Variants in TRMU observed in about 807,000 individuals in gnomAD.
TRMU encodes tRNA mitochondrial 2-thiouridylase.
Under a neutral mutation model 46.9 loss-of-function variants are expected in TRMU, and 49 were observed. The observed-to-expected ratio is 1.05, with a 90% confidence interval of 0.83 to 1.33. The LOEUF (loss-of-function observed/expected upper bound fraction) is 1.33, where lower values mean the gene tolerates loss of function less well. Ranked by LOEUF, TRMU falls within the 40% of genes most tolerant of loss-of-function variation. The probability of loss-of-function intolerance (pLI) is 0.00; values close to 1 mark genes in which losing one functional copy is unlikely to be tolerated. For missense variants in TRMU, 572 were observed against 532.4 expected, an observed-to-expected ratio of 1.07 and a Z score of -0.73; for synonymous variants, 241 against 200.9, an observed-to-expected ratio of 1.20 and a Z score of -1.69.
chr22:46,351,758 C>T lies in TRMU; in HGVS notation c.652-363C>T, dbSNP rs955801955. The stretch of plus-strand genomic sequence containing the variant: ...GAGCCCTCCCCTAAGGCCTTAGCTT[C>T]AGGCCTGGCTTTCCTGCTACCTGCC... On this transcript the variant is annotated intron_variant, in intron 5 of 10. Transcript: ENST00000645190. This position sits in a 1 kb window ranked among gnomAD's most constrained non-coding sequence, Gnocchi z 6.4. The T allele has an allele frequency of 7.7e-6, 3 of 390,344 alleles. No individual in the cohort carries two copies. The Admixed American group carries it at 1.1e-4, about 14-fold the overall frequency. 24.2% of individuals were successfully genotyped at this position (390,344 alleles called of 1,614,324 possible). A position where few individuals can be genotyped will look rare whatever the true frequency, so the allele number is the denominator to read the frequency against.
In TRMU at chr22:46,348,706, C is replaced by T. The variant is rs534888782; in HGVS notation, c.479-1585C>T. The stretch of plus-strand genomic sequence containing the variant: ...ATAGCAGTTCAGTTAGGGTCGCCAG[C>T]TTGCTTTTTTGAAAATCATAGATTT... On this transcript the variant is annotated intron_variant, in intron 4 of 10. Coordinates refer to ENST00000645190, the MANE Select transcript of TRMU (RefSeq NM_018006.5). The surrounding 1 kb of genome is among the most constrained non-coding windows in gnomAD (Gnocchi z 4.8). 5.1e-4 allele frequency among the ~76,000 whole-genome samples: 77 copies of T among 152,344 alleles called. 1 individual carries two copies. The highest frequency in any genetic ancestry group is 9.3e-4 in the Non-Finnish European group (63 of 68,032).
intron 8 of TRMU, chr22:46,354,679 T>A (rs981566370): frequency 6.6e-6 from 1 of 152,568 alleles, no homozygotes. Context: ...GAGAAAAGCC[T>A]GGCTGCGAAT....
Position 46,352,244 on chromosome 22 carries a change from A to G in TRMU, c.706-20A>G. 1 of 1,614,160 alleles carries G rather than the reference A, an allele frequency of 6.2e-7. No homozygotes were observed. Among genetic ancestry groups the G allele is most frequent in the Non-Finnish European group, 8.5e-7 (1 of 1,180,024 alleles). Reference sequence around the variant, plus strand: ...CCCTGGGCCTAGATCTCCGTCGGTAATGACATGTTTGTTTTCCAGTATCTG... The same window carrying G: ...CCCTGGGCCTAGATCTCCGTCGGTAGTGACATGTTTGTTTTCCAGTATCTG... On this transcript the variant is annotated intron_variant, in intron 6 of 10. Transcript: ENST00000645190.
rs1039622140 is a variant in TRMU, at chr22:46,348,570, C to T, written c.479-1721C>T. ...ACTGGGCTGATTTTCCCCCACACAG[C>T]GTGCTACCACCGGCCTGGCAGAGCC... On this transcript the variant is annotated intron_variant, in intron 4 of 10. Transcript: ENST00000645190. This position sits in a 1 kb window ranked among gnomAD's most constrained non-coding sequence, Gnocchi z 4.8. Among the ~76,000 whole-genome samples, 8 of 152,174 alleles carry T rather than the reference C, an allele frequency of 5.3e-5. No homozygotes were observed. The highest frequency in any genetic ancestry group is 1.9e-4 in the East Asian group (1 of 5,190).
At position 46,338,120 on chromosome 22, in the gene TRMU, G is replaced by A; in HGVS notation, c.248+176G>A. The A allele has an allele frequency of 1.3e-6, 1 of 789,974 alleles. No homozygotes were observed. The allele number at this position is 789,974 out of a possible 1,614,324, so 48.9% of individuals were successfully genotyped here. A position where few individuals can be genotyped will look rare whatever the true frequency, so the allele number is the denominator to read the frequency against. ...CCTCGGGGCTCTGTGTTAGAGGCGA[G>A]GCCTGGACCCCACAGCACACCCAGC... is the stretch of plus-strand genomic sequence containing the variant. On this transcript the variant is annotated intron_variant, in intron 2 of 10. Coordinates refer to ENST00000645190, the MANE Select transcript of TRMU (RefSeq NM_018006.5). This position sits in a 1 kb window ranked among gnomAD's most constrained non-coding sequence, Gnocchi z 4.5.
Position 46,336,225 on chromosome 22 carries a change from G to C in TRMU, c.82+379G>C, listed in dbSNP as rs766145249. The C allele has an allele frequency of 8.8e-5, 89 of 1,007,568 alleles. No homozygotes were observed. The highest frequency in any genetic ancestry group is 1.1e-4 in the Non-Finnish European group (86 of 810,424). The allele number at this position is 1,007,568 out of a possible 1,614,324, so 62.4% of individuals were successfully genotyped here. ...TGAGGGGAGCTGGGATCGCCGGGCC[G>C]GGGGCCTGACCTCTGCACACGCTGT... On this transcript the variant is annotated intron_variant, in intron 1 of 10. Transcript: ENST00000645190. The surrounding 1 kb of genome is among the most constrained non-coding windows in gnomAD (Gnocchi z 4.1).
Position 46,355,576 on chromosome 22 carries a change from C to A in TRMU, c.1006C>A (p.Gln336Lys). Residue 336 changes from glutamine to lysine, a missense_variant, in exon 9 of 11, where the codon CAG becomes AAG. Physicochemically the swap from Gln to Lys is moderately conservative, Grantham distance 53. Transcript: ENST00000645190. ...MMECHFRFRH[Q>K]MALVPCVLTL... ...GGAGTGCCACTTCCGATTCCGCCAC[C>A]AGATGGCACTAGGTGACTGACGGGA... 8 of 1,613,382 alleles carry A rather than the reference C, an allele frequency of 5.0e-6. No homozygotes were observed. The South Asian group carries it at 8.8e-5, about 18-fold the overall frequency.
rs1006752961 is a variant in TRMU at position 46,351,554 on chromosome 22, C to T, written c.652-567C>T. 1.0e-5 allele frequency: 2 copies of T among 192,868 alleles called. No individual in the cohort carries two copies. Among genetic ancestry groups the T allele is most frequent in the African/African-American group, 2.3e-5 (1 of 42,944 alleles). 11.9% of individuals were successfully genotyped at this position (192,868 alleles called of 1,614,324 possible). A position where few individuals can be genotyped will look rare whatever the true frequency, so the allele number is the denominator to read the frequency against. ...CCCGTCCTCCTCTCCTCTTGTTTTC[C>T]GTTTCCGGTGTCGCTCTGTGGTGGG... is the stretch of plus-strand genomic sequence containing the variant. On this transcript the variant is annotated intron_variant, in intron 5 of 10. Coordinates refer to ENST00000645190, the MANE Select transcript of TRMU (RefSeq NM_018006.5). This position sits in a 1 kb window ranked among gnomAD's most constrained non-coding sequence, Gnocchi z 6.4.
chr22:46,346,960 A>C (rs1031091242), intron 4 of TRMU, among the ~76,000 whole-genome samples: 2 of 152,276 alleles, frequency 1.3e-5, no homozygotes, highest in African/African-American at 4.8e-5. Context: ...TGCTGTGAGC[A>C]CAGGACCTGC....
chr22:46,356,088 G>A lies in TRMU; in HGVS notation c.1101+16G>A, dbSNP rs2078599120. 1.2e-6 allele frequency: 2 copies of A among 1,613,666 alleles called. No individual in the cohort carries two copies. The highest frequency in any genetic ancestry group is 1.1e-5 in the South Asian group (1 of 91,064). On this transcript the variant is annotated intron_variant, in intron 10 of 10. Coordinates refer to ENST00000645190, the MANE Select transcript of TRMU (RefSeq NM_018006.5). ...CACAGGACAGGTGCGTGGGGTGTGG[G>A]GGTGAGCCCGGGGAGGACTGTACTG... is the stretch of plus-strand genomic sequence containing the variant.
At chr22:46,356,738 G>A (rs1015256524) in intron 10 of TRMU, 104 bp from the exon 11 acceptor site, 2 of 1,386,858 alleles carry the variant, frequency 1.4e-6, no homozygotes, top group Non-Finnish European at 2.0e-6. Flanking sequence ...CTCAGTGCCT[G>A]GTGCTCCGAG....
rs552428197 is a variant in TRMU, at chr22:46,351,703, G to A, written c.652-418G>A. On this transcript the variant is annotated intron_variant, in intron 5 of 10. Transcript: ENST00000645190. The surrounding 1 kb of genome is among the most constrained non-coding windows in gnomAD (Gnocchi z 6.4). ...CCCCAGCTAGGGCAGATGTGCTTGA[G>A]GAAGGCGCCTCTCTCCTCTGACTCC... The A allele has an allele frequency of 1.2e-5, 4 of 325,560 alleles. No homozygotes were observed. Among genetic ancestry groups the A allele is most frequent in the Non-Finnish European group, 2.4e-5 (4 of 166,682 alleles). 20.2% of individuals were successfully genotyped at this position (325,560 alleles called of 1,614,324 possible).
intron 3 of TRMU, among the ~76,000 whole-genome samples, chr22:46,345,325 G>A (rs1217317190): frequency 2.0e-5 from 3 of 152,088 alleles, no homozygotes; most frequent in African/African-American, 7.2e-5. Flanking sequence ...CACCCACATC[G>A]GCCTCCTAAA....
At position 46,355,524 on chromosome 22, in the gene TRMU, C is replaced by T. The variant is rs758271660; in HGVS notation, c.954C>T (p.Pro318=). Residue 318 remains proline, a synonymous_variant, in exon 9 of 11, where the codon CCC becomes CCT. Transcript: ENST00000645190. ...SRVHWIAEEP[P]AALVRDKMME... ...TGCACTGGATTGCGGAGGAGCCTCC[C>T]GCAGCACTGGTCCGGGACAAGATGA... The T allele has an allele frequency of 3.2e-5, 52 of 1,613,148 alleles. No homozygotes were observed. Among genetic ancestry groups the T allele is most frequent in the South Asian group, 1.4e-4 (13 of 91,094 alleles).
chr22:46,354,095 G>A (rs2078521547), intron 8 of TRMU: 6 of 495,306 alleles, frequency 1.2e-5, no homozygotes, highest in Admixed American at 9.6e-5. Flanking sequence ...AATCATCCCT[G>A]AACCCCGATA....
intron 7 of TRMU, 57 bp downstream of exon 7, chr22:46,352,387 G>A: frequency 1.3e-6 from 2 of 1,592,134 alleles, no homozygotes; most frequent in Non-Finnish European, 1.7e-6. Context: ...TGGCGTTTCA[G>A]CTCTGGGAGA....
At position 46,339,585 on chromosome 22, in the gene TRMU, G is replaced by A. The variant is rs1178599640; in HGVS notation, c.248+1641G>A. On this transcript the variant is annotated intron_variant, in intron 2 of 10. Coordinates refer to ENST00000645190, the MANE Select transcript of TRMU (RefSeq NM_018006.5). This position sits in a 1 kb window ranked among gnomAD's most constrained non-coding sequence, Gnocchi z 4.8. ...CATCGGGTACAATGTCCACTGCTTG[G>A]GTGACGGGTACACCAAAATCTCAGA... Among the ~76,000 whole-genome samples, 1 of 152,126 alleles carries A rather than the reference G, an allele frequency of 6.6e-6. No individual in the cohort carries two copies. The highest frequency in any genetic ancestry group is 2.4e-5 in the African/African-American group (1 of 41,416).
At chr22:46,355,872 C>A (rs917920294) in intron 9 of TRMU, 118 bp from the exon 10 acceptor site, 3 of 1,214,952 alleles carry the variant, frequency 2.5e-6, no homozygotes, top group Non-Finnish European at 2.3e-6. Context: ...GGTGCCCTGC[C>A]CTTCCCCTCT....
chr22:46,335,758 C>G lies in TRMU; in HGVS notation c.-7C>G, dbSNP rs761376798. ...AGCTGCAGCTGGCGAAGTTGGGCGA[C>G]TGGCGGATGCAGGCCTTGCGGCACG... On this transcript the variant is annotated 5_prime_UTR_variant, in exon 1 of 11. Coordinates refer to ENST00000645190, the MANE Select transcript of TRMU (RefSeq NM_018006.5). 3.9e-6 allele frequency: 6 copies of G among 1,550,324 alleles called. No individual in the cohort carries two copies. Among genetic ancestry groups the G allele is most frequent in the Non-Finnish European group, 4.3e-6 (5 of 1,151,470 alleles).
Sources: gnomAD v4.1 joint callset for allele counts (sites outside exome capture counted in the v4.1 genomes callset) on GRCh38, gnomAD v4.1.1 for gene constraint, Gnocchi (gnomAD v3.1) non-coding constraint, MANE v1.5 for transcripts, NCBI Gene and HGNC (gene_info 2026-07-23, HGNC 2026-07-21) for gene names.